ROBO2: variants seen among roughly 807,000 people sequenced by gnomAD.
The protein encoded by ROBO2 is roundabout guidance receptor 2, also known as roundabout homolog 2.
A neutral mutation model predicts 160.8 loss-of-function variants in ROBO2; 53 were observed. The ratio of observed to expected loss-of-function variants is 0.33; its 90% confidence interval spans 0.26 to 0.41. The LOEUF (loss-of-function observed/expected upper bound fraction) is 0.41. Ranked by LOEUF, ROBO2 falls within the 10% of genes least tolerant of loss-of-function variation. The probability of loss-of-function intolerance (pLI) is 1.00; values close to 1 mark genes in which losing one functional copy is unlikely to be tolerated. For missense variants in ROBO2, 1,577 were observed against 1,722.4 expected, an observed-to-expected ratio of 0.92 and a Z score of 1.49; for synonymous variants, 664 against 611.7, an observed-to-expected ratio of 1.09 and a Z score of -1.26.
intron 16 of ROBO2, among the ~76,000 whole-genome samples, chr3:77,581,223 T>C (rs1459083751): frequency 1.3e-5 from 2 of 152,152 alleles, no homozygotes; most frequent in Non-Finnish European, 1.5e-5. Context: ...ATACAAATTC[T>C]TTTCCATGTA....
intron 2 of ROBO2, among the ~76,000 whole-genome samples, chr3:76,934,126 T>C (rs1293120733): frequency 6.6e-6 from 1 of 152,040 alleles, no homozygotes; most frequent in African/African-American, 2.4e-5. Context: ...GACAGCTTCA[T>C]TGATAGCTGA....
intron 2 of ROBO2, among the ~76,000 whole-genome samples, chr3:77,258,359 G>A (rs1484337517): frequency 6.6e-6 from 1 of 152,098 alleles, no homozygotes; most frequent in Non-Finnish European, 1.5e-5. Flanking sequence ...AAAAGTTTAA[G>A]TCTGTTACTT....
chr3:76,747,656 T>A (rs1040836744), intron 2 of ROBO2, among the ~76,000 whole-genome samples: 1 of 151,996 alleles, frequency 6.6e-6, no homozygotes, highest in African/African-American at 2.4e-5. Context: ...TTGGTTTTTT[T>A]AATGATTGAT....
chr3:76,664,694 T>C (rs1322254978), intron 2 of ROBO2, among the ~76,000 whole-genome samples: 7 of 152,218 alleles, frequency 4.6e-5, no homozygotes, highest in African/African-American at 1.7e-4. Flanking sequence ...GAATGAGTCT[T>C]ATTTTTCTTT....
At chr3:76,188,010 A>G (rs1400812799) in intron 2 of ROBO2, among the ~76,000 whole-genome samples, 1 of 152,068 alleles carries the variant, frequency 6.6e-6, no homozygotes, top group African/African-American at 2.4e-5. Context: ...TCTGACAATA[A>G]TCTGTGCACT....
chr3:77,233,969 A>C (rs1379166879), intron 2 of ROBO2, among the ~76,000 whole-genome samples: 2 of 152,124 alleles, frequency 1.3e-5, no homozygotes, highest in Non-Finnish European at 2.9e-5. Flanking sequence ...TAAAATAAAA[A>C]CCTTGGGATT....
chr3:76,387,948 T>C (rs999189730), intron 2 of ROBO2, among the ~76,000 whole-genome samples: 4 of 152,206 alleles, frequency 2.6e-5, no homozygotes, highest in African/African-American at 9.6e-5. Flanking sequence ...GATGAAATGA[T>C]CAGAATTTTA....
chr3:76,348,111 G>A (rs1460866153), intron 2 of ROBO2, among the ~76,000 whole-genome samples: 1 of 142,322 alleles, frequency 7.0e-6, no homozygotes, highest in African/African-American at 3.1e-5. Flanking sequence ...GTCCGCCCAA[G>A]CACTGTCCGC....
At chr3:77,045,200 T>C (rs1469665792) in intron 1 of ROBO2, among the ~76,000 whole-genome samples, 1 of 152,126 alleles carries the variant, frequency 6.6e-6, no homozygotes, top group Admixed American at 6.5e-5. Context: ...AACTCTACTG[T>C]TTTAGTAGTG....
chr3:76,639,435 C>T (rs1223399115), intron 2 of ROBO2, among the ~76,000 whole-genome samples: 8 of 148,690 alleles, frequency 5.4e-5, no homozygotes, highest in South Asian at 4.3e-4. Context: ...TAAACATATA[C>T]GTGTATATAT....
intron 2 of ROBO2, among the ~76,000 whole-genome samples, chr3:77,423,158 T>C (rs1245815072): frequency 1.3e-5 from 2 of 152,206 alleles, no homozygotes; most frequent in Admixed American, 1.3e-4. Context: ...ATGAGGACCC[T>C]ACACTTTTCA....
intron 2 of ROBO2, among the ~76,000 whole-genome samples, chr3:76,257,493 T>C (rs1231808315): frequency 2.0e-5 from 3 of 152,206 alleles, no homozygotes; most frequent in African/African-American, 4.8e-5. Context: ...GTTTACCTAA[T>C]TGATTCTCCC....
intron 2 of ROBO2, among the ~76,000 whole-genome samples, chr3:77,200,503 A>G (rs1001583687): frequency 3.3e-5 from 5 of 151,664 alleles, no homozygotes; most frequent in African/African-American, 1.2e-4. Flanking sequence ...CAGTCATACA[A>G]AAGTTTTCCA....
intron 2 of ROBO2, chr3:76,435,124 G>A: frequency 3.1e-6 from 3 of 972,220 alleles, no homozygotes; most frequent in East Asian, 2.4e-5. Flanking sequence ...GTAGATAACT[G>A]TAAGAAGCTT....
chr3:76,540,931 CT>C (rs1348168350), intron 2 of ROBO2, among the ~76,000 whole-genome samples: 1 of 152,070 alleles, frequency 6.6e-6, no homozygotes, highest in Non-Finnish European at 1.5e-5. Context: ...TCCCAAGAAG[CT>C]GGGATTACAG....
chr3:76,447,207 C>T (rs538208282), intron 2 of ROBO2, among the ~76,000 whole-genome samples: 122 of 152,298 alleles, frequency 8.0e-4, no homozygotes, highest in Non-Finnish European at 1.5e-3. Flanking sequence ...AAAAGACAAA[C>T]AACCCCATCA....
intron 2 of ROBO2, among the ~76,000 whole-genome samples, chr3:76,092,822 A>G (rs879413460): frequency 6.6e-6 from 1 of 152,230 alleles, no homozygotes; most frequent in Admixed American, 6.5e-5. Flanking sequence ...GATAATCAGT[A>G]GAAAAATGCA....
At chr3:77,472,535 G>A (rs1286414660) in intron 2 of ROBO2, among the ~76,000 whole-genome samples, 1 of 152,106 alleles carries the variant, frequency 6.6e-6, no homozygotes, top group African/African-American at 2.4e-5. Context: ...GTTATATTAT[G>A]ACTAGCTAAG....
intron 2 of ROBO2, among the ~76,000 whole-genome samples, chr3:76,645,543 T>A (rs1221824524): frequency 6.6e-6 from 1 of 152,098 alleles, no homozygotes; most frequent in Non-Finnish European, 1.5e-5. Context: ...GTAAGTGTTA[T>A]AAGGAAAGTA....
Sources: gnomAD v4.1 joint callset for allele counts (sites outside exome capture counted in the v4.1 genomes callset) on GRCh38, gnomAD v4.1.1 for gene constraint, MANE v1.5 for transcripts, NCBI Gene and HGNC (gene_info 2026-07-23, HGNC 2026-07-21) for gene names.